BCL2L13: variants seen among roughly 807,000 people sequenced by gnomAD.
BCL2L13 encodes the protein bcl-2-like protein 13.
Under a neutral mutation model 25.8 loss-of-function variants are expected in BCL2L13, and 13 were observed. That is an observed-to-expected ratio of 0.50 (90% CI 0.33 to 0.80). BCL2L13 has a LOEUF of 0.80. Among genes scored for constraint, BCL2L13 ranks in the 30% least tolerant of loss-of-function variants. The probability of loss-of-function intolerance (pLI) is 0.02; values close to 1 mark genes in which losing one functional copy is unlikely to be tolerated. For synonymous variants in BCL2L13, 244 were observed against 230.3 expected (o/e 1.06, Z -0.54); for missense variants, 504 against 574.9 (o/e 0.88, Z 1.26).
At chr22:17,694,428 G>T (rs937456915) in intron 4 of BCL2L13, among the ~76,000 whole-genome samples, 3 of 152,040 alleles carry the variant, frequency 2.0e-5, no homozygotes, top group Non-Finnish European at 2.9e-5. Flanking sequence ...ATCCCAGCTA[G>T]CACTGAGGCT....
intron 2 of BCL2L13, among the ~76,000 whole-genome samples, chr22:17,680,530 AAAAAAAAAAAAGAAAAAAAG>A (rs2059715214): frequency 1.3e-5 from 1 of 79,784 alleles, no homozygotes; most frequent in Non-Finnish European, 3.1e-5. Flanking sequence ...AAAAAAAAAA[AAAAAAAAAAAAGAAAAAAAG>A]ACTCATACCT....
chr22:17,666,135 A>T (rs2059223762), intron 2 of BCL2L13, among the ~76,000 whole-genome samples: 1 of 152,044 alleles, frequency 6.6e-6, no homozygotes, highest in Admixed American at 6.6e-5. Context: ...ATTCTAGGGG[A>T]TGTGCTGTAA....
chr22:17,639,055 C>T (rs1200786916), intron 1 of BCL2L13, among the ~76,000 whole-genome samples, 169 bp downstream of exon 1: 1 of 152,088 alleles, frequency 6.6e-6, no homozygotes, highest in African/African-American at 2.4e-5. Flanking sequence ...CGAAGGTGCT[C>T]GGAGCTTAGG....
chr22:17,632,373 C>CA (rs1250672624), intron 1 of BCL2L13, among the ~76,000 whole-genome samples: 1 of 152,116 alleles, frequency 6.6e-6, no homozygotes, highest in Non-Finnish European at 1.5e-5. Flanking sequence ...GAAACTGATG[C>CA]AATTGACCTT....
intron 6 of BCL2L13, chr22:17,706,908 T>G (rs1601739003): frequency 1.9e-6 from 2 of 1,077,436 alleles, no homozygotes; most frequent in Non-Finnish European, 2.6e-6. Context: ...CATAAAAGAT[T>G]ACTGGAGGGA....
upstream of BCL2L13, chr22:17,628,894 C>A (rs943395411): frequency 1.8e-6 from 1 of 543,184 alleles, no homozygotes; most frequent in Non-Finnish European, 3.3e-6. Flanking sequence ...GTCGCTGACT[C>A]GTGACCTGAC....
chr22:17,645,137 A>G (rs2058428379), intron 1 of BCL2L13, among the ~76,000 whole-genome samples: 2 of 151,062 alleles, frequency 1.3e-5, no homozygotes, highest in East Asian at 1.9e-4. Context: ...TAGGCATCCA[A>G]AGTAATTTGA....
At chr22:17,689,448 T>TA (rs376883361) in intron 4 of BCL2L13, among the ~76,000 whole-genome samples, 5 of 152,322 alleles carry the variant, frequency 3.3e-5, no homozygotes, top group African/African-American at 1.2e-4. Flanking sequence ...CCAGACCACT[T>TA]TTTACTGCCA....
intron 6 of BCL2L13, among the ~76,000 whole-genome samples, chr22:17,717,943 C>T (rs1432852137): frequency 6.6e-6 from 1 of 152,040 alleles, no homozygotes; most frequent in Non-Finnish European, 1.5e-5. Flanking sequence ...AAAAATTAGC[C>T]AGTCATGATG....
intron 5 of BCL2L13, among the ~76,000 whole-genome samples, chr22:17,701,977 TTC>T (rs1174220908): frequency 6.6e-6 from 1 of 151,872 alleles, no homozygotes; most frequent in Non-Finnish European, 1.5e-5. Context: ...GTGAATTTCC[TTC>T]TATATATGTT....
chr22:17,646,658 T>C (rs1234680797), intron 1 of BCL2L13, among the ~76,000 whole-genome samples: 2 of 147,866 alleles, frequency 1.4e-5, no homozygotes. Context: ...TAAAATTCAA[T>C]GAGTAAAGGT....
intron 3 of BCL2L13, chr22:17,684,730 AT>A (rs753863585): frequency 1.2e-5 from 4 of 346,880 alleles, no homozygotes; most frequent in South Asian, 8.4e-5. Flanking sequence ...AACCTGGCTA[AT>A]TTTTTGTATT....
intron 6 of BCL2L13, chr22:17,703,609 T>TGAG (rs1057485512): frequency 1.2e-4 from 19 of 152,206 alleles, no homozygotes; most frequent in African/African-American, 3.9e-4. Flanking sequence ...ACTATGCATC[T>TGAG]GAGGGTTTGA....
chr22:17,719,031 G>A (rs982306884), intron 6 of BCL2L13, among the ~76,000 whole-genome samples: 8 of 151,642 alleles, frequency 5.3e-5, no homozygotes, highest in Non-Finnish European at 8.8e-5. Context: ...GTGCATGCCT[G>A]TAATCCCAGC....
At chr22:17,649,137 T>C (rs2058591942) in intron 1 of BCL2L13, among the ~76,000 whole-genome samples, 1 of 151,966 alleles carries the variant, frequency 6.6e-6, no homozygotes, top group African/African-American at 2.4e-5. Flanking sequence ...TCTAGCTCTG[T>C]CACGCAGGCT....
intron 3 of BCL2L13, 148 bp from the exon 4 acceptor site, chr22:17,688,838 G>T: frequency 1.9e-6 from 1 of 519,932 alleles, no homozygotes; most frequent in Admixed American, 4.1e-5. Flanking sequence ...CGTGATCTTG[G>T]CTCACCACAA....
At chr22:17,663,119 C>T (rs2059125228) in intron 2 of BCL2L13, among the ~76,000 whole-genome samples, 1 of 152,136 alleles carries the variant, frequency 6.6e-6, no homozygotes, top group South Asian at 2.1e-4. Flanking sequence ...GATCTTCCTG[C>T]CTTGGCCTTT....
chr22:17,641,305 C>A (rs1402813966), intron 1 of BCL2L13, among the ~76,000 whole-genome samples: 1 of 152,146 alleles, frequency 6.6e-6, no homozygotes, highest in South Asian at 2.1e-4. Context: ...TGATTTGTAT[C>A]TTATTCCAAA....
chr22:17,631,670 G>GTGTGTATATA (rs1203626385), intron 1 of BCL2L13, among the ~76,000 whole-genome samples: 5 of 26,890 alleles, frequency 1.9e-4, no homozygotes, highest in Non-Finnish European at 3.4e-4. Flanking sequence ...GTGTGTGTGT[G>GTGTGTATATA]TATATATATA....
Sources: allele counts gnomAD v4.1 joint callset (sites outside exome capture counted in the v4.1 genomes callset), GRCh38; gene constraint gnomAD v4.1.1; transcripts MANE v1.5; gene names NCBI Gene and HGNC (gene_info 2026-07-23, HGNC 2026-07-21).